Variants in MECOM observed in about 807,000 individuals in gnomAD.
The protein encoded by MECOM is MDS1 and EVI1 complex locus.
Under a neutral mutation model 116.3 loss-of-function variants are expected in MECOM, and 13 were observed. That is an observed-to-expected ratio of 0.11 (90% CI 0.07 to 0.18). The LOEUF (loss-of-function observed/expected upper bound fraction) is 0.18, where lower values mean the gene tolerates loss of function less well. Among genes scored for constraint, MECOM ranks in the 10% least tolerant of loss-of-function variants. MECOM has a pLI of 1.00. For synonymous variants in MECOM, 528 were observed against 535.2 expected, an observed-to-expected ratio of 0.99 and a Z score of 0.19; for missense variants, 1,299 against 1,509.0, an observed-to-expected ratio of 0.86 and a Z score of 2.31.
intron 2 of MECOM, among the ~76,000 whole-genome samples, chr3:169,293,452 G>A (rs574499021): frequency 6.6e-5 from 10 of 152,212 alleles, no homozygotes; most frequent in East Asian, 5.8e-4. Context: ...TTCTTCGGCC[G>A]CCTTGGCCTT....
intron 1 of MECOM, among the ~76,000 whole-genome samples, chr3:169,658,883 G>A (rs1560545535): frequency 6.6e-6 from 1 of 152,082 alleles, no homozygotes; most frequent in Non-Finnish European, 1.5e-5. Flanking sequence ...AGAGGGGGCC[G>A]AGCCGGGCGT....
At chr3:169,248,925 T>G (rs1266475609) in intron 2 of MECOM, among the ~76,000 whole-genome samples, 1 of 152,130 alleles carries the variant, frequency 6.6e-6, no homozygotes, top group East Asian at 1.9e-4. Flanking sequence ...GTTGCTTAAG[T>G]CACTCAGTCT....
rs80159856 is a variant in MECOM at position 169,336,122 on chromosome 3, C to T, written c.375+45065G>A. The stretch of plus-strand genomic sequence containing the variant: ...TATATAAAATAGTAATTGTGGCCCA[C>T]TTGGACTCTTTACTCTTTTTGCAGA... On this transcript the variant is annotated intron_variant, in intron 2 of 16. Transcript: ENST00000651503. Among the ~76,000 whole-genome samples the T allele has an allele frequency of 2.8e-3, 423 of 152,172 alleles. 4 individuals carry two copies. The highest frequency in any genetic ancestry group is 7.1e-3 in the Admixed American group (109 of 15,258).
intron 8 of MECOM, among the ~76,000 whole-genome samples, 165 bp from the exon 9 acceptor site, chr3:169,113,039 G>A (rs1727950570): frequency 1.3e-5 from 2 of 152,230 alleles, no homozygotes; most frequent in South Asian, 4.1e-4. Context: ...GATTCCTCAT[G>A]ACACTTCTAG....
chr3:169,205,103 T>C (rs1303511209), intron 2 of MECOM, among the ~76,000 whole-genome samples: 1 of 152,166 alleles, frequency 6.6e-6, no homozygotes, highest in East Asian at 1.9e-4. Context: ...AGTATCTCGT[T>C]GACAAGAATC....
chr3:169,512,377 C>G (rs1218947205), intron 1 of MECOM, among the ~76,000 whole-genome samples: 1 of 152,156 alleles, frequency 6.6e-6, no homozygotes, highest in East Asian at 1.9e-4. Context: ...CAGACTTAGC[C>G]CTATCTCCTC....
chr3:169,364,700 C>T (rs1728864345), intron 2 of MECOM, among the ~76,000 whole-genome samples: 1 of 152,028 alleles, frequency 6.6e-6, no homozygotes, highest in Non-Finnish European at 1.5e-5. Flanking sequence ...CCATTCATCA[C>T]CTGCCTTTCC....
intron 1 of MECOM, among the ~76,000 whole-genome samples, chr3:169,576,796 TAC>T (rs373881811): frequency 0.088 from 11,921 of 136,066 alleles, 524 homozygotes; most frequent in African/African-American, 0.1. Context: ...CTTCCTGTTT[TAC>T]ACACACACAC....
chr3:169,333,468 T>G (rs1275140441), intron 2 of MECOM, among the ~76,000 whole-genome samples: 2 of 152,170 alleles, frequency 1.3e-5, no homozygotes, highest in Non-Finnish European at 1.5e-5. Context: ...AGTTGCTTGG[T>G]TGACATCCCT....
intron 2 of MECOM, among the ~76,000 whole-genome samples, chr3:169,356,558 ACGGCTCCATCAGTCTGT>A (rs1230295538): frequency 6.6e-6 from 1 of 151,870 alleles, no homozygotes; most frequent in Non-Finnish European, 1.5e-5. Flanking sequence ...CCTGCCACGG[ACGGCTCCATCAGTCTGT>A]CAGTTCTGAC....
intron 2 of MECOM, among the ~76,000 whole-genome samples, chr3:169,363,561 T>G (rs1728666665): frequency 6.6e-6 from 1 of 151,962 alleles, no homozygotes; most frequent in Non-Finnish European, 1.5e-5. Context: ...AGTCCTGGGC[T>G]TCCTGAACTT....
At chr3:169,457,889 G>GT (rs1578154367) in intron 1 of MECOM, among the ~76,000 whole-genome samples, 1 of 152,180 alleles carries the variant, frequency 6.6e-6, no homozygotes, top group African/African-American at 2.4e-5. Flanking sequence ...CCTAAGCTAG[G>GT]TTTTCAGGTG....
At chr3:169,583,707 C>T (rs1279477656) in intron 1 of MECOM, among the ~76,000 whole-genome samples, 1 of 151,570 alleles carries the variant, frequency 6.6e-6, no homozygotes, top group Non-Finnish European at 1.5e-5. Flanking sequence ...AGATTGGATG[C>T]AAACAGAACT....
At chr3:169,229,713 T>A (rs1261589204) in intron 2 of MECOM, among the ~76,000 whole-genome samples, 1 of 152,162 alleles carries the variant, frequency 6.6e-6, no homozygotes, top group Non-Finnish European at 1.5e-5. Context: ...GCCCTCAAGA[T>A]AGCACTCATG....
intron 2 of MECOM, among the ~76,000 whole-genome samples, chr3:169,148,495 C>A (rs1316030945): frequency 6.6e-6 from 1 of 152,152 alleles, no homozygotes; most frequent in Non-Finnish European, 1.5e-5. Context: ...TTTAGTAAAT[C>A]CCACTGGCTA....
At chr3:169,660,127 A>T (rs1025772918) in intron 1 of MECOM, among the ~76,000 whole-genome samples, 1 of 152,110 alleles carries the variant, frequency 6.6e-6, no homozygotes, top group Non-Finnish European at 1.5e-5. Context: ...CTTTCCATCC[A>T]TCAGGACCAT....
chr3:169,404,980 A>G (rs746269476), intron 1 of MECOM, among the ~76,000 whole-genome samples: 2 of 152,184 alleles, frequency 1.3e-5, no homozygotes, highest in African/African-American at 4.8e-5. Flanking sequence ...AGGCCTCCAT[A>G]TTCATTGTTC....
chr3:169,146,350 A>T, intron 2 of MECOM: 1 of 1,343,138 alleles, frequency 7.4e-7, no homozygotes, highest in Admixed American at 2.2e-5. Flanking sequence ...GGCCAGTGCC[A>T]GGAATTCAGA....
At chr3:169,175,392 CA>C (rs1280373822) in intron 2 of MECOM, among the ~76,000 whole-genome samples, 1 of 152,118 alleles carries the variant, frequency 6.6e-6, no homozygotes, top group African/African-American at 2.4e-5. Context: ...TCAATGCCTG[CA>C]AACTTTGTTT....
Sources: allele counts gnomAD v4.1 joint callset (sites outside exome capture counted in the v4.1 genomes callset), GRCh38; gene constraint gnomAD v4.1.1; transcripts MANE v1.5; gene names NCBI Gene and HGNC (gene_info 2026-07-23, HGNC 2026-07-21).